Variants in NRCAM observed in about 807,000 individuals in gnomAD.
The protein encoded by NRCAM is neuronal cell adhesion molecule.
Under a neutral mutation model 156.5 loss-of-function variants are expected in NRCAM, and 83 were observed. That is an observed-to-expected ratio of 0.53 (90% confidence interval 0.44 to 0.64). NRCAM has a LOEUF of 0.64. Among genes scored for constraint, NRCAM ranks in the 30% least tolerant of loss-of-function variants. The pLI is 0.00. For missense variants in NRCAM, 1,417 were observed against 1,597.3 expected, an observed-to-expected ratio of 0.89 and a Z score of 1.92; for synonymous variants, 538 against 563.9, an observed-to-expected ratio of 0.95 and a Z score of 0.65.
intron 1 of NRCAM, among the ~76,000 whole-genome samples, chr7:108,413,936 G>C (rs908588800): frequency 5.3e-5 from 8 of 152,082 alleles, no homozygotes; most frequent in Non-Finnish European, 4.4e-5. Flanking sequence ...CTCTGACTCA[G>C]CCTCTGTCAT....
intron 1 of NRCAM, among the ~76,000 whole-genome samples, chr7:108,412,254 T>C (rs1796295727): frequency 2.2e-5 from 1 of 45,458 alleles, no homozygotes; most frequent in Non-Finnish European, 4.3e-5. Flanking sequence ...GTTGTTAAAT[T>C]TTACAAAAAA....
intron 1 of NRCAM, among the ~76,000 whole-genome samples, chr7:108,422,924 GC>G (rs1259035340): frequency 6.6e-6 from 1 of 152,090 alleles, no homozygotes; most frequent in African/African-American, 2.4e-5. Context: ...TCTCATTTCA[GC>G]CCCCCATCTT....
At chr7:108,338,737 A>G (rs982639836) in intron 2 of NRCAM, among the ~76,000 whole-genome samples, 1 of 152,234 alleles carries the variant, frequency 6.6e-6, no homozygotes, top group Non-Finnish European at 1.5e-5. Context: ...TTCCTTTAAA[A>G]GCCAGGGTAA....
intron 3 of NRCAM, among the ~76,000 whole-genome samples, chr7:108,241,724 T>C (rs2095541473): frequency 6.6e-6 from 1 of 152,084 alleles, no homozygotes; most frequent in Admixed American, 6.6e-5. Context: ...GACTTTACAA[T>C]CTTTGAAGCT....
intron 2 of NRCAM, among the ~76,000 whole-genome samples, chr7:108,389,445 G>C (rs61037773): frequency 0.058 from 8,778 of 152,218 alleles, 842 homozygotes; most frequent in African/African-American, 0.2. Flanking sequence ...TCAGCTTAAG[G>C]AGATTTGGGG....
chr7:108,162,812 C>A (rs1563201089), intron 30 of NRCAM, among the ~76,000 whole-genome samples: 1 of 152,202 alleles, frequency 6.6e-6, no homozygotes, highest in Non-Finnish European at 1.5e-5. Context: ...TTCACACACA[C>A]ACAAGTACAC....
intron 20 of NRCAM, among the ~76,000 whole-genome samples, chr7:108,185,246 A>C (rs1455589608): frequency 6.6e-6 from 1 of 152,206 alleles, no homozygotes; most frequent in Non-Finnish European, 1.5e-5. Context: ...GGCGCATACT[A>C]AATTTCACTT....
chr7:108,251,520 T>A (rs1269646), intron 3 of NRCAM, among the ~76,000 whole-genome samples: 126,825 of 152,192 alleles, frequency 0.83, 52,966 homozygotes, highest in East Asian at 0.99. Flanking sequence ...AGTCAAATAA[T>A]CCAGCCACCA....
At chr7:108,161,990 A>G (rs2049357733) in intron 30 of NRCAM, among the ~76,000 whole-genome samples, 1 of 152,238 alleles carries the variant, frequency 6.6e-6, no homozygotes, top group Non-Finnish European at 1.5e-5. Context: ...GATGATGAAG[A>G]TGAGGACAAT....
At chr7:108,439,537 T>C (rs1237543157) in intron 1 of NRCAM, among the ~76,000 whole-genome samples, 2 of 152,146 alleles carry the variant, frequency 1.3e-5, no homozygotes, top group African/African-American at 2.4e-5. Context: ...TACCACTCCA[T>C]GGTCACTAGA....
chr7:108,409,163 G>A (rs893154916), intron 1 of NRCAM, among the ~76,000 whole-genome samples: 3 of 152,174 alleles, frequency 2.0e-5, no homozygotes, highest in South Asian at 2.1e-4. Flanking sequence ...TAGGATCAAC[G>A]CGTGCAGAGC....
At chr7:108,364,185 G>C (rs2099577612) in intron 2 of NRCAM, among the ~76,000 whole-genome samples, 1 of 152,120 alleles carries the variant, frequency 6.6e-6, no homozygotes. Flanking sequence ...AAATTTAAAA[G>C]ATGGGCAAAG....
intron 3 of NRCAM, among the ~76,000 whole-genome samples, chr7:108,285,744 T>C (rs1448042015): frequency 6.6e-6 from 1 of 152,218 alleles, no homozygotes; most frequent in African/African-American, 2.4e-5. Context: ...AATGACATGA[T>C]GAGAAGAGCA....
chr7:108,269,211 C>CCAT (rs988357612), intron 3 of NRCAM, among the ~76,000 whole-genome samples: 24 of 151,406 alleles, frequency 1.6e-4, no homozygotes, highest in African/African-American at 5.8e-4. Context: ...TGTAAAATAG[C>CCAT]CATTTGAACA....
intron 3 of NRCAM, among the ~76,000 whole-genome samples, chr7:108,306,810 G>A (rs1454007223): frequency 1.3e-5 from 2 of 152,162 alleles, no homozygotes; most frequent in African/African-American, 2.4e-5. Flanking sequence ...GTTTCCAAGT[G>A]AGACTCCAAG....
chr7:108,426,709 A>G (rs761463725), intron 1 of NRCAM, among the ~76,000 whole-genome samples: 1 of 152,236 alleles, frequency 6.6e-6, no homozygotes, highest in Non-Finnish European at 1.5e-5. Context: ...ACATGTAATT[A>G]TCTCCACAAC....
intron 13 of NRCAM, among the ~76,000 whole-genome samples, chr7:108,206,759 C>T (rs13242621): frequency 0.24 from 36,386 of 152,070 alleles, 4,602 homozygotes; most frequent in Non-Finnish European, 0.28. Context: ...GTAAAGCTGG[C>T]CTTTGCTATG....
At chr7:108,252,189 C>T (rs2153906070) in intron 3 of NRCAM, among the ~76,000 whole-genome samples, 1 of 152,194 alleles carries the variant, frequency 6.6e-6, no homozygotes, top group African/African-American at 2.4e-5. Flanking sequence ...GGGTGTTGCT[C>T]AGGAATGGGG....
chr7:108,173,644 A>G (rs755812424), intron 28 of NRCAM, among the ~76,000 whole-genome samples: 33 of 152,168 alleles, frequency 2.2e-4, no homozygotes, highest in Non-Finnish European at 4.4e-4. Context: ...AACCATATTA[A>G]AATTAAGGTC....
Sources: gnomAD v4.1 joint callset for allele counts (sites outside exome capture counted in the v4.1 genomes callset) on GRCh38, gnomAD v4.1.1 for gene constraint, MANE v1.5 for transcripts, NCBI Gene and HGNC (gene_info 2026-07-23, HGNC 2026-07-21) for gene names.